CSMD1: variants seen among roughly 807,000 people sequenced by gnomAD.
The protein encoded by CSMD1 is CUB and Sushi multiple domains 1, also known as CUB and sushi domain-containing protein 1.
In CSMD1, 213 loss-of-function variants were observed where a neutral mutation model predicts 417.5. The observed-to-expected ratio is 0.51, with a 90% CI of 0.46 to 0.57. CSMD1 has a LOEUF of 0.57. Ranked by LOEUF, CSMD1 falls within the 20% of genes least tolerant of loss-of-function variation. The pLI is 0.00. For missense variants in CSMD1, 6,923 were observed against 4,529.7 expected, an observed-to-expected ratio of 1.53 and a Z score of -15.17; for synonymous variants, 2,862 against 1,736.8, an observed-to-expected ratio of 1.65 and a Z score of -16.11.
chr8:3,308,219 C>G, intron 24 of CSMD1, 93 bp downstream of exon 24: 3 of 955,648 alleles, frequency 3.1e-6, no homozygotes, highest in Non-Finnish European at 4.7e-6. Context: ...GATAAAATTC[C>G]TCCTCTTTTC....
chr8:4,499,523 C>T (rs955129496), intron 2 of CSMD1, among the ~76,000 whole-genome samples: 1 of 152,164 alleles, frequency 6.6e-6, no homozygotes, highest in Non-Finnish European at 1.5e-5. Flanking sequence ...GTTACTTTAT[C>T]AACTAGTTTA....
At chr8:4,819,754 G>T (rs752126251) in intron 1 of CSMD1, among the ~76,000 whole-genome samples, 11 of 152,014 alleles carry the variant, frequency 7.2e-5, no homozygotes, top group Non-Finnish European at 1.5e-4. Flanking sequence ...TGTAGAGAGG[G>T]ACCTGGCTGC....
At chr8:3,425,816 A>C (rs1349600357) in intron 12 of CSMD1, among the ~76,000 whole-genome samples, 2 of 152,144 alleles carry the variant, frequency 1.3e-5, no homozygotes, top group East Asian at 3.9e-4. Flanking sequence ...TGATTCACGT[A>C]TATTGACATT....
intron 3 of CSMD1, among the ~76,000 whole-genome samples, chr8:4,196,729 G>C (rs920593141): frequency 2.2e-4 from 34 of 152,032 alleles, no homozygotes; most frequent in African/African-American, 7.7e-4. Flanking sequence ...GGGTAATTAG[G>C]ATGGTCTCTA....
At chr8:3,408,496 A>C (rs1346555270) in intron 13 of CSMD1, among the ~76,000 whole-genome samples, 1 of 147,432 alleles carries the variant, frequency 6.8e-6, no homozygotes, top group African/African-American at 2.7e-5. Context: ...AGTTGACTGA[A>C]AACGTGTGCC....
chr8:3,385,737 T>C (rs966950583), intron 18 of CSMD1, among the ~76,000 whole-genome samples: 1 of 152,178 alleles, frequency 6.6e-6, no homozygotes, highest in Non-Finnish European at 1.5e-5. Context: ...ACTTAAAGTT[T>C]AATGTAAAAA....
At chr8:4,008,723 G>T (rs1277889544) in intron 4 of CSMD1, among the ~76,000 whole-genome samples, 1 of 142,772 alleles carries the variant, frequency 7.0e-6, no homozygotes, top group Non-Finnish European at 1.5e-5. Context: ...TCATTCTCCT[G>T]CCTCAGCCTC....
chr8:3,924,004 G>A (rs573275961), intron 5 of CSMD1, among the ~76,000 whole-genome samples: 9 of 152,176 alleles, frequency 5.9e-5, no homozygotes, highest in Non-Finnish European at 1.3e-4. Context: ...TAAGTTTTGT[G>A]CTTTCTTGCT....
intron 1 of CSMD1, among the ~76,000 whole-genome samples, chr8:4,817,041 A>C (rs1799248418): frequency 2.0e-5 from 3 of 152,236 alleles, no homozygotes; most frequent in Admixed American, 2.0e-4. Flanking sequence ...ATGCGTGTTA[A>C]GATTTATAGA....
rs201194359 is a variant in CSMD1 at position 3,323,894 on chromosome 8, C to A, written c.3632-15391G>T. Among the ~76,000 whole-genome samples, 370 of 137,918 alleles carry A rather than the reference C, an allele frequency of 2.7e-3. 1 individual carries two copies. The highest frequency in any genetic ancestry group is 0.019 in the East Asian group (67 of 3,570). 90.5% of individuals were successfully genotyped at this position (137,918 alleles called of 152,430 possible). On this transcript the variant is annotated intron_variant, in intron 23 of 69. Coordinates refer to ENST00000635120, the MANE Select transcript of CSMD1 (RefSeq NM_033225.6). ...GACCCAGGAGGGGGAGTTTCCTTCACCCCACCTTTCATCATTGTTAAAATA... is the reference window on the plus strand; with the variant it reads ...GACCCAGGAGGGGGAGTTTCCTTCAACCCACCTTTCATCATTGTTAAAATA...
At chr8:4,511,748 A>AG in intron 2 of CSMD1, among the ~76,000 whole-genome samples, 1 of 152,292 alleles carries the variant, frequency 6.6e-6, no homozygotes, top group East Asian at 1.9e-4. Flanking sequence ...CTCAGTCATT[A>AG]GGGGGCCCAT....
In CSMD1 at chr8:4,140,904, G is replaced by C. The variant is rs191177986; in HGVS notation, c.416-108805C>G. On this transcript the variant is annotated intron_variant, in intron 3 of 69. Transcript: ENST00000635120. Reference sequence around the variant, plus strand: ...TGATCGCCAATGCACAGGCTCAGTAGGGCCGACTTACTGCTAACAAAAACT... The same window carrying C: ...TGATCGCCAATGCACAGGCTCAGTACGGCCGACTTACTGCTAACAAAAACT... 4.6e-5 allele frequency among the ~76,000 whole-genome samples: 7 copies of C among 151,154 alleles called. No homozygotes were observed. The East Asian group carries it at 1.2e-3, about 25-fold the overall frequency.
intron 26 of CSMD1, among the ~76,000 whole-genome samples, chr8:3,282,440 T>C (rs1202478174): frequency 4.6e-5 from 7 of 152,180 alleles, no homozygotes; most frequent in Non-Finnish European, 1.0e-4. Flanking sequence ...GAACATAATC[T>C]CATAACTTTC....
At chr8:3,849,765 G>A (rs1330457690) in intron 5 of CSMD1, among the ~76,000 whole-genome samples, 1 of 152,120 alleles carries the variant, frequency 6.6e-6, no homozygotes, top group Non-Finnish European at 1.5e-5. Flanking sequence ...TATCTTTTGA[G>A]AAATGATATG....
chr8:4,697,314 A>C (rs1480895536), intron 1 of CSMD1, among the ~76,000 whole-genome samples: 1 of 152,186 alleles, frequency 6.6e-6, no homozygotes, highest in African/African-American at 2.4e-5. Flanking sequence ...CTTAGTTATC[A>C]TTGCCCTTCT....
At chr8:4,250,814 A>G (rs1803018001) in intron 3 of CSMD1, among the ~76,000 whole-genome samples, 1 of 152,198 alleles carries the variant, frequency 6.6e-6, no homozygotes, top group Admixed American at 6.5e-5. Context: ...GCTTAATTGT[A>G]CTGGTTGAAA....
chr8:4,535,700 A>G (rs1434509660), intron 2 of CSMD1, among the ~76,000 whole-genome samples: 2 of 152,126 alleles, frequency 1.3e-5, no homozygotes, highest in Non-Finnish European at 2.9e-5. Flanking sequence ...CTCTTTATTT[A>G]CAATAAGGTA....
intron 5 of CSMD1, among the ~76,000 whole-genome samples, chr8:3,822,075 T>G (rs901243159): frequency 2.0e-5 from 3 of 152,202 alleles, no homozygotes; most frequent in African/African-American, 7.2e-5. Flanking sequence ...CTGTTAACTC[T>G]TCCTGAAATG....
intron 25 of CSMD1, among the ~76,000 whole-genome samples, chr8:3,292,997 C>T (rs1251924397): frequency 2.6e-5 from 4 of 151,984 alleles, no homozygotes; most frequent in African/African-American, 9.7e-5. Flanking sequence ...GTGCTTCCTT[C>T]AGGAGGTCTT....
Sources: gnomAD v4.1 joint callset for allele counts (sites outside exome capture counted in the v4.1 genomes callset) on GRCh38, gnomAD v4.1.1 for gene constraint, MANE v1.5 for transcripts, NCBI Gene and HGNC (gene_info 2026-07-23, HGNC 2026-07-21) for gene names.